CALD1: variants seen among roughly 807,000 people sequenced by gnomAD.
The protein encoded by CALD1 is caldesmon 1.
A neutral mutation model predicts 99.9 loss-of-function variants in CALD1; 33 were observed. That is an observed-to-expected ratio of 0.33 (90% confidence interval 0.25 to 0.44). The LOEUF (loss-of-function observed/expected upper bound fraction) is 0.44. CALD1 is among the 20% of genes least tolerant of loss of function. CALD1 has a pLI of 1.00. For missense variants in CALD1, 861 were observed against 962.1 expected (o/e 0.89, Z 1.39); for synonymous variants, 310 against 325.0 (o/e 0.95, Z 0.50).
chr7:134,780,407 C>T (rs941232449), intron 1 of CALD1, among the ~76,000 whole-genome samples: 9 of 152,040 alleles, frequency 5.9e-5, no homozygotes, highest in Non-Finnish European at 1.2e-4. Flanking sequence ...AACCTAATAA[C>T]AAGAGAATGC....
At chr7:134,720,594 C>T in the CALD1 span, among the ~76,000 whole-genome samples, 2 of 152,130 alleles carry the variant, frequency 1.3e-5, no homozygotes, top group African/African-American at 4.8e-5. Flanking sequence ...TCCATGGCAA[C>T]ATAAAGTAAA....
At chr7:134,885,713 C>G (rs2290357) in intron 3 of CALD1, among the ~76,000 whole-genome samples, 7,733 of 152,230 alleles carry the variant, frequency 0.051, 216 homozygotes, top group African/African-American at 0.074. Context: ...TAATTTCCTT[C>G]ACAACCTGTA....
In CALD1 at chr7:134,783,454, G is replaced by A. The variant is rs1475012323; in HGVS notation, c.-130+3705G>A. Among the ~76,000 whole-genome samples, 1 of 152,144 alleles carries A rather than the reference G, an allele frequency of 6.6e-6. No individual in the cohort carries two copies. Among genetic ancestry groups the A allele is most frequent in the Non-Finnish European group, 1.5e-5 (1 of 68,036 alleles). ...AGGTTCTAGCTAGGGAAAGCCACTT[G>A]CACAGACAGAGGAGATGTCAGAGCA... On this transcript the variant is annotated intron_variant, in intron 1 of 14. Coordinates refer to ENST00000361675, the MANE Select transcript of CALD1 (RefSeq NM_033138.4). The surrounding 1 kb of genome is among the most constrained non-coding windows in gnomAD (Gnocchi z 4.3).
intron 1 of CALD1, among the ~76,000 whole-genome samples, chr7:134,838,505 C>A (rs967439538): frequency 6.6e-6 from 1 of 152,190 alleles, no homozygotes; most frequent in Non-Finnish European, 1.5e-5. Context: ...AATTGCATGG[C>A]ATTCTTAAGA....
chr7:134,815,573 T>C (rs897890730), intron 1 of CALD1, among the ~76,000 whole-genome samples: 3 of 152,190 alleles, frequency 2.0e-5, no homozygotes, highest in Admixed American at 6.5e-5. Flanking sequence ...ATCTGAAGTC[T>C]CACTGTTTAG....
intron 3 of CALD1, among the ~76,000 whole-genome samples, chr7:134,905,992 C>A (rs562142539): frequency 2.2e-5 from 3 of 135,552 alleles, no homozygotes; most frequent in African/African-American, 8.5e-5. Context: ...TGCAGTGGTG[C>A]GATCTTGGCT....
intron 2 of CALD1, among the ~76,000 whole-genome samples, chr7:134,856,011 T>G (rs1386180808): frequency 6.6e-6 from 1 of 152,218 alleles, no homozygotes; most frequent in Non-Finnish European, 1.5e-5. Flanking sequence ...TCCTACACTC[T>G]GCAAAGTATA....
At chr7:134,898,900 G>T (rs749123897) in intron 3 of CALD1, among the ~76,000 whole-genome samples, 1 of 152,152 alleles carries the variant, frequency 6.6e-6, no homozygotes, top group East Asian at 1.9e-4. Flanking sequence ...TGGTTGTTGG[G>T]TTTTTAAGTC....
At chr7:134,830,210 A>C (rs2132066979) in intron 1 of CALD1, among the ~76,000 whole-genome samples, 1 of 152,318 alleles carries the variant, frequency 6.6e-6, no homozygotes, top group South Asian at 2.1e-4. Flanking sequence ...ATATTTCCTT[A>C]ACAGGCTTTC....
At chr7:134,831,859 AAG>A (rs1159543735) in intron 1 of CALD1, among the ~76,000 whole-genome samples, 1 of 152,154 alleles carries the variant, frequency 6.6e-6, no homozygotes, top group Non-Finnish European at 1.5e-5. Context: ...AAAGCAGAAA[AAG>A]AGATAGAGGC....
At chr7:134,721,487 GTTTC>G in the CALD1 span, among the ~76,000 whole-genome samples, 1 of 152,040 alleles carries the variant, frequency 6.6e-6, no homozygotes, top group Non-Finnish European at 1.5e-5. Flanking sequence ...TAGTAGAACA[GTTTC>G]TACTGTTCTA....
At chr7:134,749,217 G>A (rs1456342902) in intron 1 of CALD1, among the ~76,000 whole-genome samples, 1 of 152,192 alleles carries the variant, frequency 6.6e-6, no homozygotes, top group Non-Finnish European at 1.5e-5. Context: ...CCCAATGAAT[G>A]AAAAGAGAAA....
intron 2 of CALD1, among the ~76,000 whole-genome samples, chr7:134,844,587 T>C (rs867734098): frequency 9.9e-5 from 15 of 152,178 alleles, no homozygotes; most frequent in African/African-American, 2.9e-4. Flanking sequence ...ACTCAGGCAA[T>C]TGTTGTTTCA....
chr7:134,937,634 T>C (rs1477661528), intron 6 of CALD1, among the ~76,000 whole-genome samples: 1 of 127,776 alleles, frequency 7.8e-6, no homozygotes, highest in Non-Finnish European at 1.6e-5. Flanking sequence ...TTCCTTTTTG[T>C]ACAAAAAAAA....
At chr7:134,747,990 A>G (rs897219911) in intron 1 of CALD1, among the ~76,000 whole-genome samples, 5 of 152,250 alleles carry the variant, frequency 3.3e-5, no homozygotes, top group African/African-American at 1.2e-4. Context: ...TGGAAAATCT[A>G]TGGTGGCAGG....
At chr7:134,746,054 T>C (rs17168014) in intron 1 of CALD1, among the ~76,000 whole-genome samples, 18,793 of 152,220 alleles carry the variant, frequency 0.12, 1,464 homozygotes, top group Non-Finnish European at 0.17. Flanking sequence ...TTAACTGGAA[T>C]TTCCAGAAAT....
chr7:134,937,462 C>A (rs1302403467), intron 6 of CALD1, among the ~76,000 whole-genome samples: 1 of 152,000 alleles, frequency 6.6e-6, no homozygotes. Context: ...AAAAAGAAAA[C>A]AACCCCAATC....
At chr7:134,865,522 A>G (rs1800767184) in intron 2 of CALD1, among the ~76,000 whole-genome samples, 2 of 152,224 alleles carry the variant, frequency 1.3e-5, no homozygotes, top group Admixed American at 6.5e-5. Flanking sequence ...ATGTATACTC[A>G]GCAGCATTCA....
At chr7:134,762,627 A>C (rs538308636) in intron 1 of CALD1, among the ~76,000 whole-genome samples, 23 of 152,302 alleles carry the variant, frequency 1.5e-4, no homozygotes, top group African/African-American at 4.8e-4. Flanking sequence ...GGTGGAAGGC[A>C]AAGGGGAAGC....
Sources: gnomAD v4.1 joint callset for allele counts (sites outside exome capture counted in the v4.1 genomes callset) on GRCh38, gnomAD v4.1.1 for gene constraint, Gnocchi (gnomAD v3.1) non-coding constraint, MANE v1.5 for transcripts, NCBI Gene and HGNC (gene_info 2026-07-23, HGNC 2026-07-21) for gene names.